KIAA1210: variants seen among roughly 807,000 people sequenced by gnomAD.
The protein encoded by KIAA1210 is KIAA1210.
A neutral mutation model predicts 78.9 loss-of-function variants in KIAA1210; 48 were observed. The observed-to-expected ratio is 0.61, with a 90% confidence interval of 0.48 to 0.77. The LOEUF is 0.77. Ranked by LOEUF, KIAA1210 falls within the 30% of genes least tolerant of loss-of-function variation. KIAA1210 has a pLI of 0.00. For missense variants in KIAA1210, 1,108 were observed against 1,100.0 expected (o/e 1.01, Z -0.10); for synonymous variants, 406 against 404.5 (o/e 1.00, Z -0.04).
At position 119,087,519 on chromosome X, in the gene KIAA1210, T is replaced by G; in HGVS notation, c.3183A>C (p.Gln1061His). 8.3e-7 allele frequency: 1 copy of G among 1,211,110 alleles called. No individual in the cohort carries two copies. Among genetic ancestry groups the G allele is most frequent in the Non-Finnish European group, 1.1e-6 (1 of 895,276 alleles). ...KSLSKPEVKHQVFSDSGSANP... is the reference protein window; with the variant it reads ...KSLSKPEVKHHVFSDSGSANP... ...TAGCACTCCCTGAATCTGAGAAAAC[T>G]TGGTGCTTGACTTCAGGCTTTGATA... Residue 1061 changes from glutamine (Q) to histidine (H), a missense_variant, in exon 9 of 12, where the codon CAA (glutamine) becomes CAC (histidine). Gln to His is a conservative substitution (Grantham distance 24). Coordinates refer to ENST00000691062, the MANE Select transcript of KIAA1210 (RefSeq NM_001394962.1).
intron 2 of KIAA1210, among the ~76,000 whole-genome samples, chrX:119,138,217 T>TTTTTG (rs1214848214): frequency 4.8e-5 from 4 of 83,814 alleles, no homozygotes; most frequent in African/African-American, 1.8e-4. Context: ...GGTTGTTTTT[T>TTTTTG]TTTTTTTTTT....
chrX:119,120,212 G>A (rs756688999), intron 2 of KIAA1210, among the ~76,000 whole-genome samples: 20 of 111,441 alleles, frequency 1.8e-4, no homozygotes, highest in African/African-American at 6.2e-4. Context: ...GAGCTACTGT[G>A]CCCAGACGAT....
At position 119,087,560 on chromosome X, in the gene KIAA1210, G is replaced by T. The variant is rs1235066204; in HGVS notation, c.3142C>A (p.Leu1048Ile). The change falls in exon 9 of 12, where the codon CTT (leucine) becomes ATT (isoleucine). Residue 1048 changes from leucine (L) to isoleucine (I), a missense_variant. By Grantham distance (5) the Leu-to-Ile change is conservative. Around this residue, in one of 5 missense-constraint regions of KIAA1210, gnomAD observed 179 missense variants for 174.1 expected, o/e 1.03. Coordinates refer to ENST00000691062, the MANE Select transcript of KIAA1210 (RefSeq NM_001394962.1). Reference protein sequence around the residue: ...GSDVAPLPPNLPSKSLSKPEV... With the variant: ...GSDVAPLPPNIPSKSLSKPEV... ...GGCTTTGATAAAGATTTGGAAGGAAGATTGGGAGGCAGAGGTGCCACATCA... is the reference window on the plus strand; with the variant it reads ...GGCTTTGATAAAGATTTGGAAGGAATATTGGGAGGCAGAGGTGCCACATCA... 2 of 1,209,831 alleles carry T rather than the reference G, an allele frequency of 1.7e-6. No individual in the cohort carries two copies. The highest frequency in any genetic ancestry group is 1.7e-5 in the African/African-American group (1 of 57,225).
intron 2 of KIAA1210, among the ~76,000 whole-genome samples, chrX:119,143,081 T>TA (rs1929088395): frequency 8.9e-6 from 1 of 112,256 alleles, no homozygotes; most frequent in Non-Finnish European, 1.9e-5. Context: ...TTCACTATTA[T>TA]TGGTATTACT....
intron 1 of KIAA1210, among the ~76,000 whole-genome samples, chrX:119,124,421 T>C (rs1223072273): frequency 8.9e-6 from 1 of 112,576 alleles, no homozygotes; most frequent in East Asian, 2.8e-4. Flanking sequence ...GAATTATAGC[T>C]CAATAAAGCT....
rs771652518 is a variant in KIAA1210 at position 119,089,192 on chromosome X, G to T, written c.1510C>A (p.Gln504Lys). 8.3e-7 allele frequency: 1 copy of T among 1,210,747 alleles called. No individual in the cohort carries two copies. Among genetic ancestry groups the T allele is most frequent in the South Asian group, 1.8e-5 (1 of 56,720 alleles). ...SLMVESLSTT[Q>K]EEAILSVAAE... ...GCTACTGAGAGAATGGCCTCCTCTTGGGTTGTAGAAAGGCTTTCCACCATC... is the reference window on the plus strand; with the variant it reads ...GCTACTGAGAGAATGGCCTCCTCTTTGGTTGTAGAAAGGCTTTCCACCATC... The change falls in exon 9 of 12, where the codon CAA becomes AAA. Residue 504 changes from glutamine (Q) to lysine (K), a missense_variant. Transcript: ENST00000691062.
chrX:119,108,948 G>T, intron 4 of KIAA1210, 128 bp downstream of exon 4: 1 of 638,962 alleles, frequency 1.6e-6, no homozygotes. Context: ...GCTTACAACA[G>T]CCCTGTGGGG....
Position 119,101,457 on chromosome X carries a change from A to G in KIAA1210, c.648+3535T>C, listed in dbSNP as rs754176499. On this transcript the variant is annotated intron_variant, in intron 6 of 11. Transcript: ENST00000691062. ...GGAGAGTTGGGTTCTATGTGAGTCAAAAGCTAAAAGCATGTGTCTATCTCC... is the reference window on the plus strand; with the variant it reads ...GGAGAGTTGGGTTCTATGTGAGTCAGAAGCTAAAAGCATGTGTCTATCTCC... 3.6e-5 allele frequency among the ~76,000 whole-genome samples: 4 copies of G among 111,290 alleles called. No homozygotes were observed. In the South Asian group the frequency reaches 1.6e-3, roughly 44 times the overall value.
chrX:119,113,664 A>G (rs912670355), intron 3 of KIAA1210, among the ~76,000 whole-genome samples: 1 of 112,241 alleles, frequency 8.9e-6, no homozygotes, highest in Non-Finnish European at 1.9e-5. Context: ...TATGTGAATT[A>G]TATTTCAAGA....
chrX:119,149,885 G>C (rs770600566), intron 1 of KIAA1210, among the ~76,000 whole-genome samples: 1 of 110,258 alleles, frequency 9.1e-6, no homozygotes, highest in South Asian at 4.0e-4. Context: ...CCTTCCTCTC[G>C]TCTCTCTTCC....
intron 2 of KIAA1210, among the ~76,000 whole-genome samples, chrX:119,133,736 G>A (rs1186002275): frequency 9.3e-6 from 1 of 107,089 alleles, no homozygotes; most frequent in African/African-American, 3.4e-5. Context: ...TGGTGGAGGA[G>A]AACAATCTTG....
At chrX:119,128,526 G>A (rs1928706219), upstream of KIAA1210, among the ~76,000 whole-genome samples, 2 of 109,367 alleles carry the variant, frequency 1.8e-5, no homozygotes, top group Non-Finnish European at 3.8e-5. Flanking sequence ...CTGCCTGGAG[G>A]ACTCTTTCCC....
chrX:119,136,817 C>T (rs760208608), intron 2 of KIAA1210, among the ~76,000 whole-genome samples: 1 of 112,131 alleles, frequency 8.9e-6, no homozygotes, highest in Non-Finnish European at 1.9e-5. Flanking sequence ...CCATGTACAG[C>T]CCTGCAGCTC....
intron 3 of KIAA1210, among the ~76,000 whole-genome samples, chrX:119,112,159 C>T (rs939536094): frequency 3.6e-5 from 4 of 111,745 alleles, no homozygotes; most frequent in Non-Finnish European, 1.9e-5. Flanking sequence ...CCCCTTTATC[C>T]TCTGCCATGA....
intron 6 of KIAA1210, among the ~76,000 whole-genome samples, chrX:119,100,186 C>T (rs188885746): frequency 8.2e-5 from 9 of 109,510 alleles, no homozygotes; most frequent in Non-Finnish European, 1.3e-4. Flanking sequence ...AAAAAATAGC[C>T]GGGCATGGTG....
chrX:119,094,154 T>C lies in KIAA1210; in HGVS notation c.847-379A>G, dbSNP rs112788420. On this transcript the variant is annotated intron_variant, in intron 7 of 11. Transcript: ENST00000691062. Reference sequence around the variant, plus strand: ...CATGCCCTCGGCCATATTGGGATTCTCCGATTTGCTTCACCAGACCTGTGA... The same window carrying C: ...CATGCCCTCGGCCATATTGGGATTCCCCGATTTGCTTCACCAGACCTGTGA... The C allele has an allele frequency of 2.5e-4, 187 of 752,898 alleles. 1 individual carries two copies. In the African/African-American group the frequency reaches 2.8e-3, roughly 11 times the overall value. 62.0% of individuals were successfully genotyped at this position (752,898 alleles called of 1,213,427 possible).
At chrX:119,120,850 A>G (rs888459291) in intron 2 of KIAA1210, among the ~76,000 whole-genome samples, 1 of 111,444 alleles carries the variant, frequency 9.0e-6, no homozygotes, top group African/African-American at 3.3e-5. Flanking sequence ...AGACACGGAG[A>G]GATGGTAACT....
At chrX:119,114,163 G>T (rs1928177338) in intron 3 of KIAA1210, among the ~76,000 whole-genome samples, 2 of 111,755 alleles carry the variant, frequency 1.8e-5, no homozygotes, top group African/African-American at 6.5e-5. Context: ...GCTAGCACCT[G>T]CCCTGTCATT....
In KIAA1210 at chrX:119,088,282, G is replaced by A; in HGVS notation, c.2420C>T (p.Pro807Leu). 8.3e-7 allele frequency: 1 copy of A among 1,211,420 alleles called. No homozygotes were observed. The highest frequency in any genetic ancestry group is 1.1e-6 in the Non-Finnish European group (1 of 895,305). Residue 807 changes from proline (P) to leucine (L), a missense_variant, in exon 9 of 12, where the codon CCT (proline) becomes CTT (leucine). By Grantham distance (98) the Pro-to-Leu change is moderately conservative. This residue lies in a region of KIAA1210 where 672 missense variants were observed against 607.1 expected (regional missense o/e 1.11). Coordinates refer to ENST00000691062, the MANE Select transcript of KIAA1210 (RefSeq NM_001394962.1). ...CATCAAGGGCTGGCAAAGAAGTTTA[G>A]GAGGCAGAGGCTTCATAGAAATGCT... ...EESISMKPLPPKLLCQPLMNP... is the reference protein window; with the variant it reads ...EESISMKPLPLKLLCQPLMNP...
Sources: gnomAD v4.1 joint callset for allele counts (sites outside exome capture counted in the v4.1 genomes callset) on GRCh38, gnomAD v4.1.1 for gene constraint, gnomAD v4.1.1 regional missense constraint, MANE v1.5 for transcripts, NCBI Gene and HGNC (gene_info 2026-07-23, HGNC 2026-07-21) for gene names.